Variants in CADM2 observed in about 807,000 individuals in gnomAD.
CADM2 encodes the protein cell adhesion molecule 2, also known as immunoglobulin superfamily member 4D.
CADM2 carries 12 observed loss-of-function variants against 49.8 expected under a neutral mutation model. That is an observed-to-expected ratio of 0.24 (90% CI 0.15 to 0.39). CADM2 has a LOEUF of 0.39. Among genes scored for constraint, CADM2 ranks in the 10% least tolerant of loss-of-function variants. The pLI is 1.00. For missense variants in CADM2, 378 were observed against 492.3 expected (o/e 0.77, Z 2.20); for synonymous variants, 214 against 175.4 (o/e 1.22, Z -1.74).
At chr3:84,995,475 C>T (rs191179716) in intron 1 of CADM2, among the ~76,000 whole-genome samples, 5 of 152,220 alleles carry the variant, frequency 3.3e-5, no homozygotes, top group Non-Finnish European at 5.9e-5. Flanking sequence ...CACACTATAA[C>T]GGAAAGAAGC....
chr3:85,157,006 T>C (rs928943303), intron 1 of CADM2, among the ~76,000 whole-genome samples: 5 of 152,022 alleles, frequency 3.3e-5, no homozygotes, highest in African/African-American at 1.2e-4. Flanking sequence ...GGATACAAAA[T>C]CAATGTGCAA....
chr3:84,983,177 G>C (rs1477359258), intron 1 of CADM2, among the ~76,000 whole-genome samples: 1 of 152,026 alleles, frequency 6.6e-6, no homozygotes, highest in South Asian at 2.1e-4. Flanking sequence ...ATTTTGCAAT[G>C]TATCATTTTT....
intron 1 of CADM2, among the ~76,000 whole-genome samples, chr3:85,324,566 T>C (rs527864941): frequency 1.7e-4 from 26 of 152,328 alleles, no homozygotes; most frequent in African/African-American, 5.3e-4. Context: ...AATGTACATA[T>C]ATATTCTATA....
chr3:85,442,233 C>T (rs1409283876), intron 1 of CADM2, among the ~76,000 whole-genome samples: 1 of 151,942 alleles, frequency 6.6e-6, no homozygotes, highest in African/African-American at 2.4e-5. Flanking sequence ...ATGTTCTTTC[C>T]TTGTTGCTGA....
intron 1 of CADM2, among the ~76,000 whole-genome samples, chr3:85,725,804 G>T (rs1486842862): frequency 6.6e-6 from 1 of 151,994 alleles, no homozygotes; most frequent in Non-Finnish European, 1.5e-5. Context: ...GGAGTTTAGT[G>T]AATCATATAA....
intron 1 of CADM2, among the ~76,000 whole-genome samples, chr3:85,453,899 G>A (rs191763600): frequency 1.8e-4 from 27 of 151,994 alleles, no homozygotes; most frequent in Admixed American, 1.6e-3. Context: ...AATATTTTAG[G>A]TAGTACAGTC....
intron 8 of CADM2, among the ~76,000 whole-genome samples, chr3:85,977,254 C>A (rs538238516): frequency 6.6e-6 from 1 of 151,292 alleles, no homozygotes; most frequent in Non-Finnish European, 1.5e-5. Context: ...TTTTGAAAGA[C>A]TACTTTTCTT....
At chr3:85,636,226 G>C (rs1442005917) in intron 1 of CADM2, among the ~76,000 whole-genome samples, 5 of 152,174 alleles carry the variant, frequency 3.3e-5, no homozygotes, top group Non-Finnish European at 7.3e-5. Flanking sequence ...AGACCTTCCA[G>C]TGGGACAAGA....
chr3:86,000,468 A>C (rs1021120665), intron 8 of CADM2, among the ~76,000 whole-genome samples: 3 of 152,162 alleles, frequency 2.0e-5, no homozygotes, highest in African/African-American at 7.2e-5. Context: ...CAATGTTTTT[A>C]TAGGAAGGTG....
chr3:85,554,221 G>A (rs7640828), intron 1 of CADM2, among the ~76,000 whole-genome samples: 90,068 of 151,640 alleles, frequency 0.59, 28,249 homozygotes, highest in East Asian at 0.93. Flanking sequence ...GGAGTATGCA[G>A]CTTTGCAGCC....
intron 7 of CADM2, among the ~76,000 whole-genome samples, chr3:85,951,285 C>T (rs778475509): frequency 4.0e-5 from 6 of 150,972 alleles, no homozygotes; most frequent in Non-Finnish European, 7.4e-5. Flanking sequence ...CACAAATGCA[C>T]AAAGACACAT....
intron 1 of CADM2, among the ~76,000 whole-genome samples, chr3:84,978,257 G>C (rs1340034404): frequency 6.6e-6 from 1 of 152,104 alleles, no homozygotes; most frequent in East Asian, 1.9e-4. Context: ...TGAATGCAGA[G>C]TTACCTTTTA....
intron 1 of CADM2, among the ~76,000 whole-genome samples, chr3:85,256,205 T>G (rs1181201042): frequency 1.3e-5 from 2 of 152,062 alleles, no homozygotes; most frequent in Non-Finnish European, 2.9e-5. Flanking sequence ...CCTGTGGACT[T>G]CTACTTCACA....
intron 3 of CADM2, among the ~76,000 whole-genome samples, chr3:85,809,049 T>G (rs958660730): frequency 6.6e-6 from 1 of 152,236 alleles, no homozygotes; most frequent in African/African-American, 2.4e-5. Context: ...TGCATTTGGC[T>G]ACTATTACCC....
At chr3:85,820,007 C>G (rs2073453229) in intron 3 of CADM2, among the ~76,000 whole-genome samples, 1 of 152,044 alleles carries the variant, frequency 6.6e-6, no homozygotes, top group African/African-American at 2.4e-5. Context: ...GACATTGCAG[C>G]AGACACTCAT....
At chr3:85,446,468 A>C (rs2037455715) in intron 1 of CADM2, among the ~76,000 whole-genome samples, 2 of 151,842 alleles carry the variant, frequency 1.3e-5, no homozygotes, top group Admixed American at 6.6e-5. Flanking sequence ...TTAACCACTG[A>C]CTCTTGCAGA....
At chr3:85,015,008 T>A (rs983883244) in intron 1 of CADM2, among the ~76,000 whole-genome samples, 5 of 152,158 alleles carry the variant, frequency 3.3e-5, no homozygotes, top group Non-Finnish European at 2.9e-5. Context: ...TTGATAATAT[T>A]TTCTTTGGTT....
intron 8 of CADM2, among the ~76,000 whole-genome samples, chr3:85,977,416 T>A (rs1007781273): frequency 6.6e-6 from 1 of 151,532 alleles, no homozygotes; most frequent in Non-Finnish European, 1.5e-5. Context: ...AAATTTGATA[T>A]ACTTGGAAGA....
At chr3:85,748,378 G>A (rs1013033618) in intron 2 of CADM2, among the ~76,000 whole-genome samples, 2 of 151,832 alleles carry the variant, frequency 1.3e-5, no homozygotes, top group African/African-American at 2.4e-5. Flanking sequence ...CAAAAGAAAC[G>A]AAGCAGGCGA....
Sources: gnomAD v4.1 joint callset for allele counts (sites outside exome capture counted in the v4.1 genomes callset) on GRCh38, gnomAD v4.1.1 for gene constraint, MANE v1.5 for transcripts, NCBI Gene and HGNC (gene_info 2026-07-23, HGNC 2026-07-21) for gene names.